The following TPCN1 variants were observed in gnomAD, a reference collection of about 807,000 sequenced individuals.
TPCN1 encodes two pore segment channel 1, also known as two pore channel protein 1.
A neutral mutation model predicts 108.8 loss-of-function variants in TPCN1; 52 were observed. The ratio of observed to expected loss-of-function variants is 0.48; its 90% confidence interval spans 0.38 to 0.60. The LOEUF (loss-of-function observed/expected upper bound fraction) is 0.60, where lower values mean the gene tolerates loss of function less well. TPCN1 is among the 20% of genes least tolerant of loss of function. The pLI, the probability that TPCN1 is intolerant of heterozygous loss-of-function variation, is 0.00. For synonymous variants in TPCN1, 446 were observed against 433.7 expected, an observed-to-expected ratio of 1.03 and a Z score of -0.35; for missense variants, 806 against 1,072.8, an observed-to-expected ratio of 0.75 and a Z score of 3.47.
chr12:113,223,939 C>T (rs1055284951), intron 1 of TPCN1, among the ~76,000 whole-genome samples: 8 of 152,168 alleles, frequency 5.3e-5, no homozygotes, highest in African/African-American at 1.9e-4. Flanking sequence ...TCCCCTTCCT[C>T]GGACACCTAA....
chr12:113,251,963 T>C (rs1295493158), intron 2 of TPCN1, among the ~76,000 whole-genome samples: 1 of 152,172 alleles, frequency 6.6e-6, no homozygotes, highest in Non-Finnish European at 1.5e-5. Flanking sequence ...CCCAAAGACC[T>C]CTTCAGTAGA....
Position 113,291,961 on chromosome 12 carries a change from C to T in TPCN1, c.2113+3C>T, listed in dbSNP as rs1342239952. 2 of 1,613,730 alleles carry T rather than the reference C, an allele frequency of 1.2e-6. No individual in the cohort carries two copies. The highest frequency in any genetic ancestry group is 1.3e-5 in the African/African-American group (1 of 74,930). On this transcript the variant is annotated splice_donor_region_variant and intron_variant, in intron 25 of 27. Coordinates refer to ENST00000335509, the MANE Select transcript of TPCN1 (RefSeq NM_017901.6). Reference sequence around the variant, plus strand: ...CCGCAAGAACCAGGACTCGGAAGGTCTGTGCAGGGATGATGCCTTGGGCAT... The same window carrying T: ...CCGCAAGAACCAGGACTCGGAAGGTTTGTGCAGGGATGATGCCTTGGGCAT...
rs1956166337 is a variant in TPCN1 at position 113,288,562 on chromosome 12, C to G, written c.1707-196C>G. The G allele has an allele frequency of 6.8e-6, 10 of 1,469,952 alleles. No homozygotes were observed. Among genetic ancestry groups the G allele is most frequent in the Non-Finnish European group, 8.1e-6 (9 of 1,112,670 alleles). The allele number at this position is 1,469,952 out of a possible 1,614,324, so 91.1% of individuals were successfully genotyped here. On this transcript the variant is annotated intron_variant, in intron 20 of 27. Coordinates refer to ENST00000335509, the MANE Select transcript of TPCN1 (RefSeq NM_017901.6). The surrounding 1 kb of genome is among the most constrained non-coding windows in gnomAD (Gnocchi z 4.8). ...AATCTCTGGGAAAGGGGCATTTGTTCATAGCGTCCTGACTTGAGCTGTTTT... is the reference window on the plus strand; with the variant it reads ...AATCTCTGGGAAAGGGGCATTTGTTGATAGCGTCCTGACTTGAGCTGTTTT...
chr12:113,249,289 T>C (rs564042406), intron 2 of TPCN1, among the ~76,000 whole-genome samples: 463 of 152,372 alleles, frequency 3.0e-3, no homozygotes, highest in Non-Finnish European at 5.2e-3. Flanking sequence ...CACAGCTGTA[T>C]GCTGTCCATC....
intron 18 of TPCN1, 100 bp downstream of exon 18, chr12:113,286,061 A>G: frequency 1.8e-6 from 2 of 1,088,568 alleles, no homozygotes; most frequent in Non-Finnish European, 2.8e-6. Flanking sequence ...CTGGAATCGC[A>G]GAGGGAGGGT....
At chr12:113,279,378 TATATATATA>T (rs1955799552) in intron 14 of TPCN1, among the ~76,000 whole-genome samples, 2 of 31,830 alleles carry the variant, frequency 6.3e-5, no homozygotes, top group African/African-American at 1.4e-4. Context: ...TATATATATA[TATATATATA>T]TATATTTTTT....
intron 25 of TPCN1, chr12:113,292,378 C>T (rs1247111434): frequency 2.5e-5 from 5 of 203,198 alleles, no homozygotes; most frequent in African/African-American, 4.7e-5. Flanking sequence ...ATGGCACAGG[C>T]GAATCGTATT....
At chr12:113,287,385 C>T (rs575409018) in intron 19 of TPCN1, 302 of 399,708 alleles carry the variant, frequency 7.6e-4, no homozygotes, top group Middle Eastern at 3.3e-3. Context: ...AGCCCATATG[C>T]TCAAGTCACA....
In TPCN1 at chr12:113,226,984, T is replaced by C. The variant is rs1340660821; in HGVS notation, c.112+20T>C. On this transcript the variant is annotated intron_variant, in intron 2 of 27. Transcript: ENST00000335509. ...GCAAAAGTAAGATGGTGGGGTGGGC[T>C]GGGGGGACCCCAGCTTTTCTGTTTC... 6.3e-7 allele frequency: 1 copy of C among 1,596,862 alleles called. No homozygotes were observed. The highest frequency in any genetic ancestry group is 2.2e-5 in the East Asian group (1 of 44,756).
chr12:113,267,159 TC>T (rs2136618490), intron 4 of TPCN1, among the ~76,000 whole-genome samples: 1 of 152,306 alleles, frequency 6.6e-6, no homozygotes, highest in South Asian at 2.1e-4. Flanking sequence ...GCACTTGACT[TC>T]CCTGCTGGGA....
At chr12:113,244,829 G>A in intron 2 of TPCN1, 1 of 923,952 alleles carries the variant, frequency 1.1e-6, no homozygotes, top group Non-Finnish European at 1.3e-6. Context: ...AGGCTCTGGG[G>A]ATTAAGATCG....
In TPCN1 at chr12:113,268,905, A is replaced by C; in HGVS notation, c.659+33A>C. 6.2e-7 allele frequency: 1 copy of C among 1,612,522 alleles called. No individual in the cohort carries two copies. On this transcript the variant is annotated intron_variant, in intron 6 of 27. Transcript: ENST00000335509. The surrounding 1 kb of genome is among the most constrained non-coding windows in gnomAD (Gnocchi z 7.3). Reference sequence around the variant, plus strand: ...CCGGGTGGGGAGCTGGGCAGTCACTATCCTGGCATGGCCTGACCTCTGGGC... The same window carrying C: ...CCGGGTGGGGAGCTGGGCAGTCACTCTCCTGGCATGGCCTGACCTCTGGGC...
intron 17 of TPCN1, among the ~76,000 whole-genome samples, chr12:113,285,668 G>A (rs1956050498): frequency 6.6e-6 from 1 of 152,224 alleles, no homozygotes; most frequent in African/African-American, 2.4e-5. Flanking sequence ...GAACCCCTAT[G>A]CCTGGCCAGT....
intron 1 of TPCN1, chr12:113,225,206 C>G: frequency 2.2e-6 from 1 of 452,474 alleles, no homozygotes; most frequent in Non-Finnish European, 4.4e-6. Context: ...AGGCATATGC[C>G]ATCATACCCA....
In TPCN1 at chr12:113,273,088, T is replaced by G. The variant is rs1054209294; in HGVS notation, c.784-144T>G. ...GGAGGCCTCTGGACTGCATGTTTGC[T>G]CTTTCCTCTGCCTCCCTCAGGGATT... On this transcript the variant is annotated intron_variant, in intron 8 of 27. Coordinates refer to ENST00000335509, the MANE Select transcript of TPCN1 (RefSeq NM_017901.6). This position sits in a 1 kb window ranked among gnomAD's most constrained non-coding sequence, Gnocchi z 4.0. 5.3e-6 allele frequency: 4 copies of G among 756,932 alleles called. No individual in the cohort carries two copies. The highest frequency in any genetic ancestry group is 1.9e-5 in the Admixed American group (1 of 52,682). The allele number at this position is 756,932 out of a possible 1,614,324, so 46.9% of individuals were successfully genotyped here.
intron 14 of TPCN1, among the ~76,000 whole-genome samples, 170 bp from the exon 15 acceptor site, chr12:113,279,961 AAGCATGGGTACCACTCTTTG>A (rs1331749838): frequency 6.6e-6 from 1 of 152,098 alleles, no homozygotes; most frequent in African/African-American, 2.4e-5. Flanking sequence ...GTCTGAGCAG[AAGCATGGGTACCACTCTTTG>A]AGCAGGACCC....
intron 2 of TPCN1, chr12:113,249,626 A>T (rs747698312): frequency 1.3e-5 from 2 of 152,294 alleles, no homozygotes; most frequent in Non-Finnish European, 2.9e-5. Context: ...GCTACGCAGC[A>T]GCGCTTCCCA....
At chr12:113,276,563 C>T (rs1201146595) in intron 10 of TPCN1, among the ~76,000 whole-genome samples, 2 of 152,138 alleles carry the variant, frequency 1.3e-5, no homozygotes, top group Non-Finnish European at 1.5e-5. Flanking sequence ...AATCCAGATG[C>T]GCCCCTCTTG....
At chr12:113,258,170 A>G (rs1406769697) in intron 2 of TPCN1, among the ~76,000 whole-genome samples, 1 of 152,200 alleles carries the variant, frequency 6.6e-6, no homozygotes, top group East Asian at 1.9e-4. Flanking sequence ...ACTGTTTTTA[A>G]AAATGGGTAG....
Sources: allele counts gnomAD v4.1 joint callset (sites outside exome capture counted in the v4.1 genomes callset), GRCh38; gene constraint gnomAD v4.1.1; non-coding constraint Gnocchi (gnomAD v3.1); transcripts MANE v1.5; gene names NCBI Gene and HGNC (gene_info 2026-07-23, HGNC 2026-07-21).